Variants in CLDN14 observed in about 807,000 individuals in gnomAD.
The protein encoded by CLDN14 is claudin 14, also known as claudin-14.
Under a neutral mutation model 2.1 loss-of-function variants are expected in CLDN14, and 2 were observed. That is an observed-to-expected ratio of 0.96 (90% CI 0.39 to 3.01). The LOEUF (loss-of-function observed/expected upper bound fraction) is 3.01, where lower values mean the gene tolerates loss of function less well. Among genes scored for constraint, CLDN14 ranks in the 30% most tolerant of loss-of-function variants. CLDN14 has a pLI of 0.09. For missense variants in CLDN14, 298 were observed against 328.0 expected, an observed-to-expected ratio of 0.91 and a Z score of 0.71; for synonymous variants, 136 against 154.4, an observed-to-expected ratio of 0.88 and a Z score of 0.88.
chr21:36,571,172 A>G (rs548885142), intron 1 of CLDN14, among the ~76,000 whole-genome samples: 1 of 152,326 alleles, frequency 6.6e-6, no homozygotes, highest in South Asian at 2.1e-4. Flanking sequence ...TTCTAATGAC[A>G]CTGTGTAGAA....
chr21:36,572,987 G>A (rs1414553252), intron 1 of CLDN14, among the ~76,000 whole-genome samples: 1 of 152,186 alleles, frequency 6.6e-6, no homozygotes, highest in Non-Finnish European at 1.5e-5. Flanking sequence ...TTCTATGTAC[G>A]TATAGGAAAT....
intron 1 of CLDN14, among the ~76,000 whole-genome samples, chr21:36,514,930 C>T (rs2087215648): frequency 6.6e-6 from 1 of 152,092 alleles, no homozygotes; most frequent in African/African-American, 2.4e-5. Context: ...CTACTGAACC[C>T]TAAGGTCACT....
chr21:36,572,858 G>A (rs1680345234), intron 1 of CLDN14, among the ~76,000 whole-genome samples: 1 of 152,192 alleles, frequency 6.6e-6, no homozygotes, highest in African/African-American at 2.4e-5. Flanking sequence ...CTGGTATATA[G>A]TAGATGCCTC....
intron 2 of CLDN14, chr21:36,486,985 A>AT: frequency 1.9e-5 from 7 of 359,766 alleles, no homozygotes; most frequent in East Asian, 6.9e-5. Flanking sequence ...GATTTTGTTT[A>AT]ATTTTTTTTT....
At chr21:36,552,972 C>T (rs1213029239) in intron 1 of CLDN14, among the ~76,000 whole-genome samples, 6 of 152,194 alleles carry the variant, frequency 3.9e-5, no homozygotes, top group Non-Finnish European at 8.8e-5. Context: ...AGAGGCCCCT[C>T]CTCAACCTCA....
At chr21:36,548,290 T>C (rs182640009) in intron 1 of CLDN14, among the ~76,000 whole-genome samples, 20 of 152,254 alleles carry the variant, frequency 1.3e-4, no homozygotes, top group Admixed American at 1.2e-3. Flanking sequence ...TGTGCCATCA[T>C]GTGATAAATG....
intron 1 of CLDN14, among the ~76,000 whole-genome samples, chr21:36,570,559 C>T (rs536288807): frequency 2.0e-5 from 3 of 152,176 alleles, no homozygotes; most frequent in East Asian, 1.9e-4. Context: ...GGAACAAGGA[C>T]GGCAAACAAA....
intron 1 of CLDN14, among the ~76,000 whole-genome samples, chr21:36,479,140 C>T (rs939630502): frequency 7.9e-5 from 12 of 152,156 alleles, no homozygotes; most frequent in African/African-American, 2.9e-4. Flanking sequence ...GCGCTGAGCT[C>T]CCCGAGCTGA....
chr21:36,552,138 C>A (rs574927440), intron 1 of CLDN14, among the ~76,000 whole-genome samples: 1 of 152,232 alleles, frequency 6.6e-6, no homozygotes, highest in African/African-American at 2.4e-5. Flanking sequence ...CTGGCATGAG[C>A]CAAAGGCAGG....
At chr21:36,572,817 G>C (rs1448748905) in intron 1 of CLDN14, among the ~76,000 whole-genome samples, 2 of 152,160 alleles carry the variant, frequency 1.3e-5, no homozygotes, top group African/African-American at 4.8e-5. Flanking sequence ...CTATTGATGA[G>C]ATGGTGCATG....
upstream of CLDN14, chr21:36,480,542 T>C (rs889991106): frequency 6.6e-6 from 1 of 152,084 alleles, no homozygotes; most frequent in African/African-American, 2.4e-5. Context: ...AAGAGATGTT[T>C]GGCCTTGAAA....
intron 1 of CLDN14, among the ~76,000 whole-genome samples, chr21:36,521,769 C>T (rs2146493434): frequency 6.6e-6 from 1 of 152,216 alleles, no homozygotes; most frequent in East Asian, 1.9e-4. Flanking sequence ...GCCTGGGGTC[C>T]TTGTGTCAGC....
chr21:36,559,126 G>A (rs1277548842), intron 1 of CLDN14, among the ~76,000 whole-genome samples: 1 of 152,004 alleles, frequency 6.6e-6, no homozygotes, highest in Admixed American at 6.6e-5. Context: ...TTTCATATAT[G>A]GCCTTTATGT....
intron 1 of CLDN14, among the ~76,000 whole-genome samples, chr21:36,553,252 C>T (rs2087575366): frequency 6.6e-6 from 1 of 152,178 alleles, no homozygotes; most frequent in African/African-American, 2.4e-5. Flanking sequence ...CTTACCTCTG[C>T]CTTCAGTGGA....
Position 36,530,104 on chromosome 21 carries a change from G to A in CLDN14, c.-219-19604C>T, listed in dbSNP as rs114776642. Reference sequence around the variant, plus strand: ...TCGGATTTCAGTTCCGAGGCGGGCCGGGAAGGGATGTGGATATTTTCTTTA... The same window carrying A: ...TCGGATTTCAGTTCCGAGGCGGGCCAGGAAGGGATGTGGATATTTTCTTTA... On this transcript the variant is annotated intron_variant, in intron 1 of 2. Coordinates refer to the CLDN14 transcript ENST00000342108. Among the ~76,000 whole-genome samples, 271 of 152,296 alleles carry A rather than the reference G, an allele frequency of 1.8e-3. 2 individuals carry two copies. The highest frequency in any genetic ancestry group is 6.4e-3 in the African/African-American group (267 of 41,550).
intron 1 of CLDN14, among the ~76,000 whole-genome samples, chr21:36,528,349 T>C (rs766195929): frequency 3.3e-5 from 5 of 152,142 alleles, no homozygotes; most frequent in African/African-American, 7.2e-5. Flanking sequence ...CTTCCAGATG[T>C]GGAAAGTGAG....
chr21:36,511,402 T>C (rs1236571762), intron 1 of CLDN14, among the ~76,000 whole-genome samples: 2 of 152,190 alleles, frequency 1.3e-5, no homozygotes, highest in African/African-American at 2.4e-5. Flanking sequence ...AATTTTCCTA[T>C]GTGGATTTTA....
chr21:36,539,478 T>C (rs1414479259), intron 1 of CLDN14, among the ~76,000 whole-genome samples: 7 of 121,358 alleles, frequency 5.8e-5, no homozygotes, highest in Non-Finnish European at 1.2e-4. Context: ...AGTGAATGTG[T>C]GGGGAATGTG....
At chr21:36,506,969 A>C (rs963109275) in intron 2 of CLDN14, among the ~76,000 whole-genome samples, 10 of 152,020 alleles carry the variant, frequency 6.6e-5, no homozygotes, top group African/African-American at 2.4e-4. Flanking sequence ...AATGAAAATA[A>C]AAAATTACCT....
Sources: gnomAD v4.1 joint callset for allele counts (sites outside exome capture counted in the v4.1 genomes callset) on GRCh38, gnomAD v4.1.1 for gene constraint, MANE v1.5 for transcripts, NCBI Gene and HGNC (gene_info 2026-07-23, HGNC 2026-07-21) for gene names.